Variants in NLK observed in about 807,000 individuals in gnomAD.
NLK encodes the protein nemo like kinase.
A neutral mutation model predicts 59.0 loss-of-function variants in NLK; 11 were observed. That is an observed-to-expected ratio of 0.19 (90% CI 0.12 to 0.31). The LOEUF is 0.31. NLK is among the 10% of genes least tolerant of loss of function. The pLI, the probability that NLK is intolerant of heterozygous loss-of-function variation, is 1.00. For synonymous variants in NLK, 235 were observed against 235.9 expected (o/e 1.00, Z 0.03); for missense variants, 410 against 661.1 (o/e 0.62, Z 4.16).
downstream of NLK, among the ~76,000 whole-genome samples, chr17:28,199,451 A>G (rs980590512): frequency 2.0e-5 from 3 of 152,078 alleles, no homozygotes; most frequent in Non-Finnish European, 2.9e-5. Flanking sequence ...GGATCACCTG[A>G]GGTCAAGAGT....
intron 4 of NLK, among the ~76,000 whole-genome samples, chr17:28,161,950 C>T (rs1459996213): frequency 2.6e-5 from 4 of 152,054 alleles, no homozygotes; most frequent in Non-Finnish European, 4.4e-5. Context: ...CCCCCTGCCC[C>T]AGAATTCATA....
chr17:28,189,807 T>C (rs2142072826), intron 8 of NLK, among the ~76,000 whole-genome samples: 1 of 152,156 alleles, frequency 6.6e-6, no homozygotes, highest in East Asian at 1.9e-4. Flanking sequence ...TCAAAAGAGC[T>C]AGATCACCAA....
chr17:28,161,148 T>C lies in NLK; in HGVS notation c.645-12T>C. On this transcript the variant is annotated splice_polypyrimidine_tract_variant and intron_variant, in intron 3 of 10. Transcript: ENST00000407008. ...TGAATTCGCCGAACTCTCCTTAACT[T>C]AAAACTTCAAGATATGTTGTCACAG... 6.6e-7 allele frequency: 1 copy of C among 1,526,272 alleles called. No homozygotes were observed. The highest frequency in any genetic ancestry group is 9.1e-7 in the Non-Finnish European group (1 of 1,100,044). The allele number at this position is 1,526,272 out of a possible 1,614,324, so 94.5% of individuals were successfully genotyped here.
chr17:28,100,896 A>T (rs1344063314), intron 1 of NLK, among the ~76,000 whole-genome samples: 2 of 152,148 alleles, frequency 1.3e-5, no homozygotes, highest in Non-Finnish European at 2.9e-5. Flanking sequence ...GGGGTAAAAG[A>T]GGGTAGAAAC....
intron 1 of NLK, among the ~76,000 whole-genome samples, chr17:28,071,340 T>C (rs911048277): frequency 2.6e-5 from 4 of 152,186 alleles, no homozygotes; most frequent in African/African-American, 9.7e-5. Context: ...TCTGTTGGGA[T>C]ATTTATTGGA....
intron 7 of NLK, among the ~76,000 whole-genome samples, chr17:28,182,178 A>G (rs1004698495): frequency 1.3e-5 from 2 of 152,142 alleles, no homozygotes; most frequent in Non-Finnish European, 2.9e-5. Context: ...TCTTATCTCT[A>G]TTACTCTTTG....
At chr17:28,157,750 C>T (rs556589686) in intron 3 of NLK, among the ~76,000 whole-genome samples, 91 of 152,074 alleles carry the variant, frequency 6.0e-4, no homozygotes, top group Non-Finnish European at 1.0e-3. Context: ...ACTATGTAAC[C>T]GTAGGTAGGT....
At chr17:28,078,956 A>G (rs1910257710) in intron 1 of NLK, among the ~76,000 whole-genome samples, 1 of 152,194 alleles carries the variant, frequency 6.6e-6, no homozygotes, top group Non-Finnish European at 1.5e-5. Context: ...TGTTAACTAT[A>G]TGCACATTGT....
intron 1 of NLK, among the ~76,000 whole-genome samples, chr17:28,049,721 G>A (rs1026215596): frequency 3.9e-5 from 6 of 152,142 alleles, no homozygotes; most frequent in African/African-American, 7.2e-5. Flanking sequence ...GGTGTCTCAC[G>A]CCTGTAATCC....
intron 1 of NLK, among the ~76,000 whole-genome samples, chr17:28,071,390 A>G (rs996088928): frequency 4.6e-5 from 7 of 152,076 alleles, no homozygotes; most frequent in Non-Finnish European, 2.9e-5. Context: ...AGAATTTTTA[A>G]GAAAGTTGAG....
At position 28,104,549 on chromosome 17, in the gene NLK, C is replaced by T. The variant is rs532975125; in HGVS notation, c.459-18054C>T. 1.4e-4 allele frequency among the ~76,000 whole-genome samples: 22 copies of T among 152,148 alleles called. No homozygotes were observed. The East Asian group carries it at 3.7e-3, about 25-fold the overall frequency. On this transcript the variant is annotated intron_variant, in intron 1 of 10. Coordinates refer to ENST00000407008, the MANE Select transcript of NLK (RefSeq NM_016231.5). The stretch of plus-strand genomic sequence containing the variant: ...GATTACAGGCGTGAGCCACTACACC[C>T]GGCCGGGTTTTAGTTATTTTTATTG...
chr17:28,072,244 A>G (rs1910027515), intron 1 of NLK, among the ~76,000 whole-genome samples: 1 of 151,432 alleles, frequency 6.6e-6, no homozygotes, highest in Non-Finnish European at 1.5e-5. Context: ...TCAGCTTTTT[A>G]ATCTAGTCTG....
chr17:28,158,630 A>AT (rs540022657), intron 3 of NLK, among the ~76,000 whole-genome samples: 1 of 151,806 alleles, frequency 6.6e-6, no homozygotes, highest in Admixed American at 6.6e-5. Context: ...CTGTACAAAA[A>AT]TTTTTTTTTC....
chr17:28,153,950 T>C, intron 3 of NLK, among the ~76,000 whole-genome samples: 1 of 152,216 alleles, frequency 6.6e-6, no homozygotes, highest in Admixed American at 6.5e-5. Flanking sequence ...CAATTTGCTG[T>C]CAGTCTTGGT....
intron 1 of NLK, among the ~76,000 whole-genome samples, chr17:28,090,474 T>A (rs1904446988): frequency 6.6e-6 from 1 of 152,226 alleles, no homozygotes; most frequent in Non-Finnish European, 1.5e-5. Flanking sequence ...TTACTTCCTT[T>A]ATGACTACTT....
At chr17:28,141,797 A>C (rs1289671594) in intron 3 of NLK, among the ~76,000 whole-genome samples, 1 of 152,182 alleles carries the variant, frequency 6.6e-6, no homozygotes, top group Non-Finnish European at 1.5e-5. Context: ...TCTCTTCATG[A>C]ATGAAGAAAT....
intron 1 of NLK, among the ~76,000 whole-genome samples, chr17:28,096,521 G>A (rs1345549919): frequency 1.3e-5 from 2 of 152,154 alleles, no homozygotes; most frequent in Non-Finnish European, 2.9e-5. Flanking sequence ...AATATTGAAG[G>A]AGGAGAAAAT....
chr17:28,083,249 CAT>C (rs1307576332), intron 1 of NLK, among the ~76,000 whole-genome samples: 1 of 152,172 alleles, frequency 6.6e-6, no homozygotes, highest in Non-Finnish European at 1.5e-5. Flanking sequence ...CAGTGCCTAA[CAT>C]AGCACCTTGT....
intron 8 of NLK, 34 bp downstream of exon 8, chr17:28,185,299 A>C: frequency 8.1e-7 from 1 of 1,240,348 alleles, no homozygotes; most frequent in Non-Finnish European, 1.1e-6. Flanking sequence ...ATTTTTAATG[A>C]ATTACAAATA....
Sources: gnomAD v4.1 joint callset for allele counts (sites outside exome capture counted in the v4.1 genomes callset) on GRCh38, gnomAD v4.1.1 for gene constraint, MANE v1.5 for transcripts, NCBI Gene and HGNC (gene_info 2026-07-23, HGNC 2026-07-21) for gene names.